The following MAPK10 variants were observed in gnomAD, a reference collection of about 807,000 sequenced individuals.
MAPK10 encodes JNK3 alpha protein kinase.
A neutral mutation model predicts 59.3 loss-of-function variants in MAPK10; 25 were observed. The observed-to-expected ratio is 0.42, with a 90% CI of 0.31 to 0.59. The LOEUF (loss-of-function observed/expected upper bound fraction) is 0.59, where lower values mean the gene tolerates loss of function less well. MAPK10 is among the 20% of genes least tolerant of loss of function. The probability of loss-of-function intolerance (pLI) is 0.15; values close to 1 mark genes in which losing one functional copy is unlikely to be tolerated. For synonymous variants in MAPK10, 190 were observed against 200.5 expected, an observed-to-expected ratio of 0.95 and a Z score of 0.44; for missense variants, 351 against 568.9, an observed-to-expected ratio of 0.62 and a Z score of 3.90.
chr4:86,470,986 T>G (rs1044057443), intron 1 of MAPK10, among the ~76,000 whole-genome samples: 1 of 152,142 alleles, frequency 6.6e-6, no homozygotes. Context: ...TAACGAAGAA[T>G]TAGGCTGGGC....
chr4:86,359,007 C>G (rs1363536311), intron 1 of MAPK10: 2 of 152,058 alleles, frequency 1.3e-5, no homozygotes, highest in Non-Finnish European at 2.9e-5. Context: ...GTTCTGTGTT[C>G]CTCTCCCCGG....
intron 1 of MAPK10, among the ~76,000 whole-genome samples, chr4:86,404,247 A>G (rs1270255027): frequency 6.6e-6 from 1 of 152,110 alleles, no homozygotes; most frequent in Non-Finnish European, 1.5e-5. Context: ...CATAATAACT[A>G]TATTCATCTG....
Position 86,098,596 on chromosome 4 carries a change from C to A in MAPK10, c.731-1G>T. The A allele has an allele frequency of 6.2e-7, 1 of 1,608,812 alleles. No individual in the cohort carries two copies. Among genetic ancestry groups the A allele is most frequent in the East Asian group, 2.2e-5 (1 of 44,816 alleles). On this transcript the variant is annotated splice_acceptor_variant, in intron 8 of 13. Coordinates refer to ENST00000641462, the MANE Select transcript of MAPK10 (RefSeq NM_138982.4). LOFTEE classifies it high-confidence loss of function. ...ATGCATCCCACAGACCATATATCCA[C>A]TAGAACAGGAGAGAGAGGGTAGTGA...
In MAPK10 at chr4:86,107,158, A is replaced by C. The variant is rs555378136; in HGVS notation, c.366+65T>G. 1.3e-5 allele frequency: 17 copies of C among 1,330,458 alleles called. No individual in the cohort carries two copies. In the East Asian group the frequency reaches 3.9e-4, roughly 31 times the overall value. 82.4% of individuals were successfully genotyped at this position (1,330,458 alleles called of 1,614,324 possible). A position where few individuals can be genotyped will look rare whatever the true frequency, so the allele number is the denominator to read the frequency against. The stretch of plus-strand genomic sequence containing the variant: ...GAAAGCCTTTCTTACTCAAGTACAG[A>C]CACATTTTCTTTTTCCAATCTTACA... On this transcript the variant is annotated intron_variant, in intron 5 of 13. Transcript: ENST00000641462.
At chr4:86,180,246 A>G (rs1002525906) in intron 3 of MAPK10, among the ~76,000 whole-genome samples, 1 of 152,052 alleles carries the variant, frequency 6.6e-6, no homozygotes, top group African/African-American at 2.4e-5. Flanking sequence ...CAACATCACT[A>G]ATCATCAGAA....
At chr4:86,244,707 T>A (rs1046098595) in intron 2 of MAPK10, among the ~76,000 whole-genome samples, 5 of 152,232 alleles carry the variant, frequency 3.3e-5, no homozygotes, top group Non-Finnish European at 2.9e-5. Flanking sequence ...GTGCATTTTG[T>A]GATTCCTAGA....
intron 1 of MAPK10, among the ~76,000 whole-genome samples, chr4:86,526,781 G>C (rs183800637): frequency 6.6e-6 from 1 of 152,176 alleles, no homozygotes; most frequent in Admixed American, 6.5e-5. Flanking sequence ...TATTTTCAAA[G>C]AATTTTTTGA....
rs112191208 is a variant in MAPK10 at position 86,129,089 on chromosome 4, A to C, written c.237-21737T>G. Among the ~76,000 whole-genome samples, 783 of 152,256 alleles carry C rather than the reference A, an allele frequency of 5.1e-3. 3 individuals are homozygous for C. The highest frequency in any genetic ancestry group is 8.1e-3 in the Non-Finnish European group (551 of 67,984). On this transcript the variant is annotated intron_variant, in intron 4 of 13. Transcript: ENST00000641462. ...AATTGAAAGAGTTGATGATAGAAAA[A>C]TAATTTCATGTTAATAACTAGAAGT...
At chr4:86,136,814 G>C (rs1195248682) in intron 4 of MAPK10, among the ~76,000 whole-genome samples, 1 of 151,662 alleles carries the variant, frequency 6.6e-6, no homozygotes, top group Non-Finnish European at 1.5e-5. Context: ...GACACACATA[G>C]GCTCAAAATA....
At chr4:86,198,112 C>T (rs1380887964) in intron 2 of MAPK10, among the ~76,000 whole-genome samples, 4 of 152,072 alleles carry the variant, frequency 2.6e-5, no homozygotes, top group African/African-American at 4.8e-5. Flanking sequence ...CTCATATTTC[C>T]GCATGTTTTG....
chr4:86,079,663 A>T (rs2050226058), intron 9 of MAPK10: 1 of 152,142 alleles, frequency 6.6e-6, no homozygotes, highest in Admixed American at 6.5e-5. Context: ...AATAATTATA[A>T]ACAAAGAAGC....
chr4:86,245,927 G>T (rs75971062), intron 2 of MAPK10, among the ~76,000 whole-genome samples: 12,774 of 152,150 alleles, frequency 0.084, 1,183 homozygotes, highest in African/African-American at 0.23. Context: ...TACTTTATCT[G>T]TAATTGGTTT....
chr4:86,148,696 TAAG>T (rs1172506402), intron 4 of MAPK10, among the ~76,000 whole-genome samples: 1 of 152,146 alleles, frequency 6.6e-6, no homozygotes, highest in Non-Finnish European at 1.5e-5. Flanking sequence ...AATCCTCAAA[TAAG>T]AAATACATCG....
rs886492266 is a variant in MAPK10 at position 86,014,959 on chromosome 4, C to T, written c.*2269G>A. The T allele has an allele frequency of 4.9e-5, 7 of 142,398 alleles. No homozygotes were observed. Among genetic ancestry groups the T allele is most frequent in the Non-Finnish European group, 9.1e-5 (6 of 65,878 alleles). The allele number at this position is 142,398 out of a possible 1,614,324, so 8.8% of individuals were successfully genotyped here. ...CACAGATATATCAAGAGAAAAGTACCGAGAAAGAAAATCAGTAAAGAATTA... is the reference window on the plus strand; with the variant it reads ...CACAGATATATCAAGAGAAAAGTACTGAGAAAGAAAATCAGTAAAGAATTA... On this transcript the variant is annotated 3_prime_UTR_variant, in exon 14 of 14. Transcript: ENST00000641462.
chr4:86,320,479 T>C (rs2095867620), intron 2 of MAPK10, among the ~76,000 whole-genome samples: 1 of 152,218 alleles, frequency 6.6e-6, no homozygotes, highest in Non-Finnish European at 1.5e-5. Context: ...TCAGAAAGAA[T>C]GGTATCAATG....
At chr4:86,411,054 C>T (rs1322225302) in intron 1 of MAPK10, among the ~76,000 whole-genome samples, 1 of 152,160 alleles carries the variant, frequency 6.6e-6, no homozygotes, top group African/African-American at 2.4e-5. Flanking sequence ...ATAAATTTCT[C>T]TCTACACACT....
rs118001397 is a variant in MAPK10 at position 86,518,845 on chromosome 4, A to C, written c.-263+75065T>G. Reference sequence around the variant, plus strand: ...TATTGTTCAGTTCAAATAATTTTTTAATTTACATCTTGATTTCATTGTTGA... The same window carrying C: ...TATTGTTCAGTTCAAATAATTTTTTCATTTACATCTTGATTTCATTGTTGA... On this transcript the variant is annotated intron_variant, in intron 1 of 4. Transcript: ENST00000502302. Among the ~76,000 whole-genome samples, 47 of 152,158 alleles carry C rather than the reference A, an allele frequency of 3.1e-4. No individual in the cohort carries two copies. The East Asian group carries it at 8.3e-3, about 27-fold the overall frequency.
At chr4:86,591,797 C>G (rs766320973) in intron 1 of MAPK10, among the ~76,000 whole-genome samples, 1 of 152,126 alleles carries the variant, frequency 6.6e-6, no homozygotes, top group Non-Finnish European at 1.5e-5. Flanking sequence ...GACTTATTTA[C>G]AGTACTTAAT....
At chr4:86,514,308 T>C (rs1756495204) in intron 1 of MAPK10, among the ~76,000 whole-genome samples, 1 of 152,182 alleles carries the variant, frequency 6.6e-6, no homozygotes, top group Non-Finnish European at 1.5e-5. Context: ...GCAACTGCCC[T>C]TCCAACCTCA....
Sources: allele counts gnomAD v4.1 joint callset (sites outside exome capture counted in the v4.1 genomes callset), GRCh38; gene constraint gnomAD v4.1.1; transcripts MANE v1.5; gene names NCBI Gene and HGNC (gene_info 2026-07-23, HGNC 2026-07-21).